The following PCDH9 variants were observed in gnomAD, a reference collection of about 807,000 sequenced individuals.
PCDH9 encodes protocadherin 9, also known as protocadherin-9.
A neutral mutation model predicts 70.6 loss-of-function variants in PCDH9; 24 were observed. The ratio of observed to expected loss-of-function variants is 0.34; its 90% CI spans 0.25 to 0.48. The LOEUF is 0.48. Among genes scored for constraint, PCDH9 ranks in the 20% least tolerant of loss-of-function variants. PCDH9 has a pLI of 0.99. For synonymous variants in PCDH9, 562 were observed against 558.5 expected (o/e 1.01, Z -0.09); for missense variants, 1,281 against 1,503.6 (o/e 0.85, Z 2.45).
intron 4 of PCDH9, among the ~76,000 whole-genome samples, chr13:66,561,517 T>A (rs1376874288): frequency 6.6e-6 from 1 of 152,314 alleles, no homozygotes; most frequent in East Asian, 1.9e-4. Flanking sequence ...AGAACCTTTA[T>A]GTCTAGCTAA....
In PCDH9 at chr13:66,606,081, T is replaced by C. The variant is rs2077219316; in HGVS notation, c.3340+25129A>G. Among the ~76,000 whole-genome samples the C allele has an allele frequency of 2.0e-5, 3 of 152,070 alleles. No homozygotes were observed. The South Asian group carries it at 6.2e-4, about 32-fold the overall frequency. On this transcript the variant is annotated intron_variant, in intron 4 of 4. Coordinates refer to ENST00000377865, the MANE Select transcript of PCDH9 (RefSeq NM_203487.3). ...CAGCTCTTTTAGCTATTAGTGGTCC[T>C]TAGGATTAAAGTTTGTAGGGTAGAA...
chr13:66,947,164 G>C (rs904365059), intron 2 of PCDH9, among the ~76,000 whole-genome samples: 1 of 152,050 alleles, frequency 6.6e-6, no homozygotes. Flanking sequence ...AATATACAAG[G>C]TCAGACAATT....
intron 3 of PCDH9, among the ~76,000 whole-genome samples, chr13:66,658,917 T>G (rs543016396): frequency 1.3e-5 from 2 of 152,278 alleles, no homozygotes; most frequent in East Asian, 3.9e-4. Context: ...GACTTAAGAA[T>G]TAGTGTCTTC....
At chr13:66,744,452 A>G (rs1314580075) in intron 3 of PCDH9, among the ~76,000 whole-genome samples, 1 of 152,126 alleles carries the variant, frequency 6.6e-6, no homozygotes, top group Non-Finnish European at 1.5e-5. Context: ...TCCGAAACTA[A>G]ATGAAAGGTA....
chr13:66,454,985 G>A (rs1347126518), intron 4 of PCDH9, among the ~76,000 whole-genome samples: 1 of 151,878 alleles, frequency 6.6e-6, no homozygotes, highest in Non-Finnish European at 1.5e-5. Flanking sequence ...ATGTAGGAAA[G>A]CATTTTATAA....
intron 2 of PCDH9, among the ~76,000 whole-genome samples, chr13:67,120,283 G>T (rs972616436): frequency 6.6e-6 from 1 of 151,682 alleles, no homozygotes; most frequent in Admixed American, 6.6e-5. Flanking sequence ...CTGCATTATT[G>T]TTCTTCTCTG....
intron 2 of PCDH9, among the ~76,000 whole-genome samples, chr13:66,928,853 C>T (rs529903238): frequency 7.5e-6 from 1 of 133,780 alleles, no homozygotes; most frequent in East Asian, 2.3e-4. Context: ...ACAGACATAA[C>T]GAGGGAAAAA....
intron 4 of PCDH9, 114 bp from the exon 5 acceptor site, chr13:66,305,142 T>C (rs1412470492): frequency 8.4e-6 from 8 of 954,502 alleles, no homozygotes; most frequent in Non-Finnish European, 1.1e-5. Context: ...TAAAAGTGTA[T>C]CAAGTCAAGC....
Position 67,196,613 on chromosome 13 carries a change from C to T in PCDH9, c.3036+28792G>A, listed in dbSNP as rs543427620. Among the ~76,000 whole-genome samples, 5 of 152,076 alleles carry T rather than the reference C, an allele frequency of 3.3e-5. No individual in the cohort carries two copies. In the South Asian group the frequency reaches 1.0e-3, roughly 32 times the overall value. Reference sequence around the variant, plus strand: ...ACTATTAAATATTATAGATAAATAACAAAGTTTTGTACGTGTTCCAAAAAT... The same window carrying T: ...ACTATTAAATATTATAGATAAATAATAAAGTTTTGTACGTGTTCCAAAAAT... On this transcript the variant is annotated intron_variant, in intron 2 of 4. Transcript: ENST00000377865.
At chr13:66,688,274 T>C (rs2078433948) in intron 3 of PCDH9, among the ~76,000 whole-genome samples, 1 of 152,144 alleles carries the variant, frequency 6.6e-6, no homozygotes, top group Middle Eastern at 3.2e-3. Context: ...TTGATCCTCC[T>C]CATTGATGTA....
chr13:66,823,525 A>C (rs1399251726), intron 3 of PCDH9, among the ~76,000 whole-genome samples: 1 of 152,078 alleles, frequency 6.6e-6, no homozygotes, highest in Non-Finnish European at 1.5e-5. Context: ...GCAGGCAAAA[A>C]TAGACAGAGT....
chr13:66,662,225 C>T (rs1373942319), intron 3 of PCDH9, among the ~76,000 whole-genome samples: 1 of 152,028 alleles, frequency 6.6e-6, no homozygotes, highest in Non-Finnish European at 1.5e-5. Flanking sequence ...GTAATCCTGG[C>T]ACTTTGGGGG....
At chr13:66,861,201 T>A (rs1424261491) in intron 3 of PCDH9, among the ~76,000 whole-genome samples, 6 of 152,154 alleles carry the variant, frequency 3.9e-5, no homozygotes, top group South Asian at 2.1e-4. Context: ...CAAGGAAGGA[T>A]AATATCGAGT....
intron 4 of PCDH9, among the ~76,000 whole-genome samples, chr13:66,536,814 T>C (rs1960723136): frequency 9.1e-6 from 1 of 109,936 alleles, no homozygotes; most frequent in Admixed American, 1.1e-4. Flanking sequence ...CAAGTTGAAA[T>C]GAGTGGGCGT....
At chr13:66,977,209 T>C (rs2083637622) in intron 2 of PCDH9, among the ~76,000 whole-genome samples, 1 of 152,138 alleles carries the variant, frequency 6.6e-6, no homozygotes, top group Admixed American at 6.6e-5. Context: ...ATACCATCTA[T>C]ATGCTTGACA....
intron 3 of PCDH9, among the ~76,000 whole-genome samples, chr13:66,865,514 C>A (rs1003963920): frequency 1.1e-4 from 16 of 152,130 alleles, no homozygotes; most frequent in Non-Finnish European, 1.9e-4. Context: ...TTCAGCTTTT[C>A]TTTTACAGGG....
rs1319414669 is a variant in PCDH9 at position 67,225,729 on chromosome 13, T to G, written c.2712A>C (p.Ile904=). The G allele has an allele frequency of 1.2e-6, 2 of 1,614,086 alleles. No homozygotes were observed. Among genetic ancestry groups the G allele is most frequent in the South Asian group, 1.1e-5 (1 of 91,078 alleles). The change falls in exon 2 of 5, where the codon ATA becomes ATC. Residue 904 remains isoleucine, a synonymous_variant. Transcript: ENST00000377865. The part of the protein sequence containing the change: ...DAVHEPINGT[I]SLPAELEEQS... ...GCTCCTCCAGTTCAGCCGGCAGGCT[T>G]ATTGTCCCATTGATAGGTTCATGAA...
intron 2 of PCDH9, among the ~76,000 whole-genome samples, chr13:67,094,559 T>A (rs2086282571): frequency 1.3e-5 from 2 of 152,170 alleles, no homozygotes; most frequent in Admixed American, 1.3e-4. Context: ...TTAAGTAACA[T>A]GCCCAAGGTG....
At chr13:66,504,906 C>T (rs192257349) in intron 4 of PCDH9, among the ~76,000 whole-genome samples, 31 of 152,292 alleles carry the variant, frequency 2.0e-4, no homozygotes, top group African/African-American at 6.3e-4. Context: ...TCAATGGCTA[C>T]TAGTTGCTAC....
Sources: allele counts gnomAD v4.1 joint callset (sites outside exome capture counted in the v4.1 genomes callset), GRCh38; gene constraint gnomAD v4.1.1; transcripts MANE v1.5; gene names NCBI Gene and HGNC (gene_info 2026-07-23, HGNC 2026-07-21).